Variants in FLACC1 observed in about 807,000 individuals in gnomAD.
FLACC1 encodes the protein flagellum associated containing coiled-coil domains 1.
In FLACC1, 66 loss-of-function variants were observed where a neutral mutation model predicts 62.8. The ratio of observed to expected loss-of-function variants is 1.05; its 90% CI spans 0.86 to 1.29. The LOEUF (loss-of-function observed/expected upper bound fraction) is 1.29. Ranked by LOEUF, FLACC1 falls within the 50% of genes most tolerant of loss-of-function variation. The probability of loss-of-function intolerance (pLI) is 0.00; values close to 1 mark genes in which losing one functional copy is unlikely to be tolerated. For synonymous variants in FLACC1, 156 were observed against 161.0 expected, an observed-to-expected ratio of 0.97 and a Z score of 0.24; for missense variants, 452 against 489.1, an observed-to-expected ratio of 0.92 and a Z score of 0.71.
At position 201,313,038 on chromosome 2, in the gene FLACC1, G is replaced by T. The variant is rs73047482; in HGVS notation, c.676-3788C>A. The stretch of plus-strand genomic sequence containing the variant: ...GAACCAAGTGAAATATAGGGGTAAA[G>T]GAAGTAGCAGGAAAAGCCCTGTGGG... On this transcript the variant is annotated intron_variant, in intron 9 of 14. Coordinates refer to ENST00000392257, the MANE Select transcript of FLACC1 (RefSeq NM_001127391.3). Among the ~76,000 whole-genome samples, 1,467 of 152,330 alleles carry T rather than the reference G, an allele frequency of 9.6e-3. 31 individuals are homozygous for T. The highest frequency in any genetic ancestry group is 0.034 in the African/African-American group (1,406 of 41,572).
chr2:201,289,395 A>C, intron 14 of FLACC1, 62 bp downstream of exon 14: 1 of 1,503,828 alleles, frequency 6.6e-7, no homozygotes. Flanking sequence ...CCCATTCCTC[A>C]CTCAAACTCC....
chr2:201,306,209 C>G (rs1158186397), intron 11 of FLACC1, among the ~76,000 whole-genome samples: 1 of 151,982 alleles, frequency 6.6e-6, no homozygotes, highest in Admixed American at 6.6e-5. Flanking sequence ...GGAAGGAGGC[C>G]TGTCTTACAT....
In FLACC1 at chr2:201,288,826, A is replaced by G. The variant is rs1949654832; in HGVS notation, c.1143-45T>C. ...ATGTATCAATGTCAACTCAAAAGCT[A>G]GAAAGGGTATAGGATATTTGGAGTG... is the stretch of plus-strand genomic sequence containing the variant. On this transcript the variant is annotated intron_variant, in intron 14 of 14. Coordinates refer to ENST00000392257, the MANE Select transcript of FLACC1 (RefSeq NM_001127391.3). The G allele has an allele frequency of 1.9e-6, 3 of 1,602,386 alleles. No homozygotes were observed. The East Asian group carries it at 6.7e-5, about 36-fold the overall frequency.
chr2:201,324,267 T>C (rs781259467), intron 9 of FLACC1, among the ~76,000 whole-genome samples: 26 of 152,046 alleles, frequency 1.7e-4, no homozygotes, highest in Non-Finnish European at 2.6e-4. Flanking sequence ...ACAAAGATGG[T>C]CAATATAATG....
intron 9 of FLACC1, 115 bp downstream of exon 9, chr2:201,330,355 G>T: frequency 9.5e-7 from 1 of 1,047,148 alleles, no homozygotes. Context: ...TAGGTCTAAG[G>T]ATGCTGGGAA....
chr2:201,303,556 G>A (rs925165926), intron 11 of FLACC1, among the ~76,000 whole-genome samples: 1 of 152,136 alleles, frequency 6.6e-6, no homozygotes, highest in Non-Finnish European at 1.5e-5. Context: ...AGAAAAAGAG[G>A]GAATCTTCCC....
chr2:201,305,502 C>T (rs1950084358), intron 11 of FLACC1, among the ~76,000 whole-genome samples: 1 of 152,212 alleles, frequency 6.6e-6, no homozygotes, highest in South Asian at 2.1e-4. Flanking sequence ...TAAACTAGTT[C>T]AACCATTGTG....
chr2:201,348,261 GATTT>G lies in FLACC1; in HGVS notation c.223_226del (p.Lys75HisfsTer5), dbSNP rs764946125. 2.5e-6 allele frequency: 4 copies of G among 1,612,852 alleles called. No individual in the cohort carries two copies. In the African/African-American group the frequency reaches 4.0e-5, roughly 16 times the overall value. ...TCTCCTGCCTTTACTCACATAAAAT[GATTT>G]ATTAGTCTCTTCTTGCCTTGCTGAA... On this transcript the variant is annotated frameshift_variant, in exon 4 of 15. Coordinates refer to ENST00000392257, the MANE Select transcript of FLACC1 (RefSeq NM_001127391.3). LOFTEE classifies it high-confidence loss of function.
Position 201,307,576 on chromosome 2 carries a change from A to G in FLACC1, c.822T>C (p.Asp274=), listed in dbSNP as rs145474429. The G allele has an allele frequency of 3.7e-6, 6 of 1,614,038 alleles. No homozygotes were observed. In the African/African-American group the frequency reaches 6.7e-5, roughly 18 times the overall value. ...CACTGCAGGATTCATTTATTTTCTT[A>G]TCTTCTTCTCCTGACTCCATTTCGA... is the stretch of plus-strand genomic sequence containing the variant. ...KKFEMESGEE[D]KKINESCSAV... Residue 274 remains aspartate (D), a synonymous_variant, in exon 11 of 15, where the codon GAT becomes GAC. Transcript: ENST00000392257.
upstream of FLACC1, among the ~76,000 whole-genome samples, chr2:201,357,898 C>A (rs769618384): frequency 2.6e-5 from 4 of 152,046 alleles, no homozygotes; most frequent in Admixed American, 6.5e-5. Context: ...TACTGCCACT[C>A]ATTATAAGAA....
chr2:201,313,087 A>G (rs1228358399), intron 9 of FLACC1, among the ~76,000 whole-genome samples: 3 of 152,218 alleles, frequency 2.0e-5, no homozygotes, highest in Non-Finnish European at 4.4e-5. Flanking sequence ...CAGGGATGCC[A>G]TTTCTGACTT....
At chr2:201,340,826 G>T (rs1407819954) in intron 7 of FLACC1, among the ~76,000 whole-genome samples, 1 of 152,060 alleles carries the variant, frequency 6.6e-6, no homozygotes, top group African/African-American at 2.4e-5. Context: ...CTTAATTTTT[G>T]TTTGGGAAAG....
chr2:201,308,730 G>T (rs1041094717), intron 10 of FLACC1, among the ~76,000 whole-genome samples: 2 of 152,188 alleles, frequency 1.3e-5, no homozygotes, highest in African/African-American at 4.8e-5. Context: ...GAATATAGAA[G>T]CTCTCAGTAT....
At chr2:201,358,478 G>C (rs1384181625), upstream of FLACC1, among the ~76,000 whole-genome samples, 1 of 147,228 alleles carries the variant, frequency 6.8e-6, no homozygotes, top group African/African-American at 2.5e-5. Context: ...GTGCAGTGGC[G>C]GGATCTCGGC....
At chr2:201,332,260 T>C (rs1362602133) in intron 7 of FLACC1, among the ~76,000 whole-genome samples, 1 of 152,104 alleles carries the variant, frequency 6.6e-6, no homozygotes, top group Non-Finnish European at 1.5e-5. Context: ...TTTCTTTTTT[T>C]TTTTCAGACG....
chr2:201,312,953 C>T (rs1950244098), intron 9 of FLACC1, among the ~76,000 whole-genome samples: 2 of 152,170 alleles, frequency 1.3e-5, no homozygotes, highest in South Asian at 4.1e-4. Context: ...CACTGGGGAA[C>T]CTGAAGGTCT....
At chr2:201,333,867 G>A (rs1471790924) in intron 7 of FLACC1, among the ~76,000 whole-genome samples, 3 of 152,184 alleles carry the variant, frequency 2.0e-5, no homozygotes, top group East Asian at 3.9e-4. Flanking sequence ...ATAAACATAC[G>A]TGTGCATGTG....
upstream of FLACC1, among the ~76,000 whole-genome samples, chr2:201,360,688 C>G (rs1033687159): frequency 1.3e-5 from 2 of 152,220 alleles, no homozygotes; most frequent in African/African-American, 4.8e-5. Context: ...TAGTGCTACC[C>G]TTGCACCTAG....
chr2:201,361,514 G>C (rs981259072), upstream of FLACC1, among the ~76,000 whole-genome samples: 2 of 152,182 alleles, frequency 1.3e-5, no homozygotes, highest in African/African-American at 4.8e-5. Flanking sequence ...AATGGTATTT[G>C]CAAGAGCTAC....
Sources: gnomAD v4.1 joint callset for allele counts (sites outside exome capture counted in the v4.1 genomes callset) on GRCh38, gnomAD v4.1.1 for gene constraint, MANE v1.5 for transcripts, NCBI Gene and HGNC (gene_info 2026-07-23, HGNC 2026-07-21) for gene names.